Variants in KDM5C observed in about 807,000 individuals in gnomAD.
KDM5C encodes the protein lysine-specific demethylase 5C.
Under a neutral mutation model 110.6 loss-of-function variants are expected in KDM5C, and 16 were observed. The observed-to-expected ratio is 0.14, with a 90% confidence interval of 0.10 to 0.22. KDM5C has a LOEUF of 0.22. Among genes scored for constraint, KDM5C ranks in the 10% least tolerant of loss-of-function variants. The probability of loss-of-function intolerance (pLI) is 1.00; values close to 1 mark genes in which losing one functional copy is unlikely to be tolerated. For synonymous variants in KDM5C, 511 were observed against 520.4 expected, an observed-to-expected ratio of 0.98 and a Z score of 0.24; for missense variants, 681 against 1,300.9, an observed-to-expected ratio of 0.52 and a Z score of 7.33.
chrX:53,195,396 G>A lies in KDM5C; in HGVS notation c.3135C>T (p.Tyr1045=), dbSNP rs1556835998. ...DVDEIQNGDH[Y]PCLDDLEGLV... Reference sequence around the variant, plus strand: ...GGCCCTCCAAGTCATCCAGGCAGGGGTAGTGGTCACCATTCTAAGGCCAAG... The same window carrying A: ...GGCCCTCCAAGTCATCCAGGCAGGGATAGTGGTCACCATTCTAAGGCCAAG... The change falls in exon 21 of 26, where the codon TAC becomes TAT. Residue 1045 remains tyrosine, a synonymous_variant. Coordinates refer to ENST00000375401, the MANE Select transcript of KDM5C (RefSeq NM_004187.5). 42 of 1,206,218 alleles carry A rather than the reference G, an allele frequency of 3.5e-5. No individual in the cohort carries two copies. The highest frequency in any genetic ancestry group is 4.6e-5 in the Non-Finnish European group (41 of 892,595).
intron 5 of KDM5C, among the ~76,000 whole-genome samples, chrX:53,216,922 A>G (rs781936980): frequency 5.3e-5 from 6 of 112,648 alleles, no homozygotes; most frequent in Non-Finnish European, 1.1e-4. Flanking sequence ...AAGAGCAGAC[A>G]TACAAAAGAG....
chrX:53,182,194 C>T (rs1354406885), intron 25 of KDM5C, among the ~76,000 whole-genome samples: 4 of 110,333 alleles, frequency 3.6e-5, no homozygotes, highest in East Asian at 2.8e-4. Flanking sequence ...AAGTGATTCT[C>T]CTGCCTCAGC....
At position 53,195,324 on chromosome X, in the gene KDM5C, T is replaced by C. The variant is rs1288344996; in HGVS notation, c.3207A>G (p.Arg1069=). The C allele has an allele frequency of 1.1e-5, 13 of 1,203,435 alleles. No individual in the cohort carries two copies. Among genetic ancestry groups the C allele is most frequent in the Non-Finnish European group, 1.3e-5 (12 of 891,315 alleles). The change falls in exon 21 of 26, where the codon AGA becomes AGG. Residue 1069 remains arginine, a synonymous_variant. Coordinates refer to ENST00000375401, the MANE Select transcript of KDM5C (RefSeq NM_004187.5). The stretch of plus-strand genomic sequence containing the variant: ...CTGTCAGTACCTGTAGCTCTAGCTG[T>C]CTCAGCTCCTCCAGCCCCACAGGTA... ...RDLPVGLEEL[R]QLELQVLTAH... is the part of the protein sequence containing the mutation.
chrX:53,184,134 TCTTAA>T (rs782776182), intron 25 of KDM5C, among the ~76,000 whole-genome samples: 22 of 112,897 alleles, frequency 1.9e-4, no homozygotes, highest in African/African-American at 7.1e-4. Flanking sequence ...TGAATTGTTT[TCTTAA>T]CTTCATTTTG....
At chrX:53,209,261 T>C (rs2073484236) in intron 12 of KDM5C, among the ~76,000 whole-genome samples, 1 of 111,126 alleles carries the variant, frequency 9.0e-6, no homozygotes, top group Admixed American at 9.6e-5. Flanking sequence ...ATCATCATCC[T>C]TAAATGGGGT....
intron 2 of KDM5C, among the ~76,000 whole-genome samples, chrX:53,220,348 T>C (rs2073862450): frequency 8.9e-6 from 1 of 111,909 alleles, no homozygotes; most frequent in Non-Finnish European, 1.9e-5. Context: ...TCTCTAACCA[T>C]TCCAGCCTCC....
In KDM5C at chrX:53,192,844, G is replaced by T; in HGVS notation, c.*123C>A. 1 of 993,723 alleles carries T rather than the reference G, an allele frequency of 1.0e-6. No homozygotes were observed. The highest frequency in any genetic ancestry group is 1.3e-6 in the Non-Finnish European group (1 of 744,290). The allele number at this position is 993,723 out of a possible 1,213,427, so 81.9% of individuals were successfully genotyped here. A position where few individuals can be genotyped will look rare whatever the true frequency, so the allele number is the denominator to read the frequency against. ...AAAGTCAAGGGACTCAGGGGTGGGC[G>T]GGTAGCAGGGATGGCCACCCCCCTA... On this transcript the variant is annotated 3_prime_UTR_variant, in exon 26 of 26. Transcript: ENST00000375401.
intron 17 of KDM5C, 116 bp from the exon 18 acceptor site, chrX:53,197,992 C>G: frequency 1.7e-6 from 1 of 596,014 alleles, no homozygotes. Context: ...TCGCATATTT[C>G]AAATTTGCCC....
At chrX:53,184,699 T>A (rs909886311) in intron 25 of KDM5C, among the ~76,000 whole-genome samples, 2 of 112,397 alleles carry the variant, frequency 1.8e-5, no homozygotes, top group Non-Finnish European at 3.8e-5. Flanking sequence ...ACTTTTAATA[T>A]GCTGTTGGAT....
At chrX:53,216,005 C>G (rs1482862232) in intron 6 of KDM5C, 29 bp from the exon 7 acceptor site, 1 of 1,210,418 alleles carries the variant, frequency 8.3e-7, no homozygotes, top group African/African-American at 1.7e-5. Flanking sequence ...GCTGTAAACA[C>G]AGGTCTAGGA....
chrX:53,192,303 T>C lies in KDM5C; in HGVS notation c.*664A>G, dbSNP rs1316164737. 1 of 174,720 alleles carries C rather than the reference T, an allele frequency of 5.7e-6. No homozygotes were observed. The highest frequency in any genetic ancestry group is 3.0e-5 in the African/African-American group (1 of 33,609). 14.4% of individuals were successfully genotyped at this position (174,720 alleles called of 1,213,427 possible). On this transcript the variant is annotated 3_prime_UTR_variant, in exon 26 of 26. Transcript: ENST00000375401. ...ATTAATTACACACCAACAATCTTCT[T>C]TTATTACAACATGAACCCAGGAGGA...
chrX:53,214,814 C>A lies in KDM5C; in HGVS notation c.997G>T (p.Gly333Trp). The A allele has an allele frequency of 1.7e-6, 2 of 1,211,922 alleles. No individual in the cohort carries two copies. The highest frequency in any genetic ancestry group is 2.2e-6 in the Non-Finnish European group (2 of 895,553). ...AGCAGGAGCTTGTCATCCTCATCCC[C>A]TCGAGAACACATCCGGCAGACATAT... The part of the protein sequence containing the change: ...ESYVCRMCSR[G>W]DEDDKLLLCD... The change falls in exon 8 of 26, where the codon GGG becomes TGG. Residue 333 changes from glycine (G) to tryptophan (W), a missense_variant. By Grantham distance (184) the Gly-to-Trp change is radical. Transcript: ENST00000375401.
intron 22 of KDM5C, 65 bp from the exon 23 acceptor site, chrX:53,194,803 C>T: frequency 5.0e-6 from 6 of 1,195,775 alleles, no homozygotes; most frequent in Middle Eastern, 2.7e-4. Context: ...CTGGGCCCCC[C>T]CTTAACACCC....
chrX:53,213,356 T>C (rs1556849981), intron 8 of KDM5C, among the ~76,000 whole-genome samples: 1 of 112,067 alleles, frequency 8.9e-6, no homozygotes, highest in African/African-American at 3.2e-5. Flanking sequence ...TCCTCATCTG[T>C]GTATGTCTGT....
chrX:53,207,642 C>T (rs1569270941), intron 12 of KDM5C, among the ~76,000 whole-genome samples: 1 of 111,913 alleles, frequency 8.9e-6, no homozygotes, highest in African/African-American at 3.3e-5. Context: ...GGAAAGAGGA[C>T]ATGTTTATTT....
At chrX:53,224,334 C>T (rs187796219) in intron 1 of KDM5C, among the ~76,000 whole-genome samples, 8 of 112,119 alleles carry the variant, frequency 7.1e-5, no homozygotes, top group Non-Finnish European at 1.3e-4. Flanking sequence ...GGACTGCGAT[C>T]TTTCTATTAA....
At chrX:53,181,675 C>CAAAAAA (rs60649092) in intron 25 of KDM5C, among the ~76,000 whole-genome samples, 237 of 52,518 alleles carry the variant, frequency 4.5e-3, no homozygotes, top group African/African-American at 4.9e-3. Flanking sequence ...GACCATGTCT[C>CAAAAAA]AAAAAAAAAA....
downstream of KDM5C, among the ~76,000 whole-genome samples, chrX:53,190,951 T>C (rs782335951): frequency 2.7e-5 from 3 of 111,760 alleles, no homozygotes; most frequent in African/African-American, 9.7e-5. Flanking sequence ...CGGAAAGCCC[T>C]TGAGGCAGGC....
At chrX:53,196,563 A>C in intron 19 of KDM5C, 123 bp downstream of exon 19, 1 of 562,232 alleles carries the variant, frequency 1.8e-6, no homozygotes, top group Non-Finnish European at 3.0e-6. Context: ...AAAAGAGGGG[A>C]GAGTCAATAC....
Sources: gnomAD v4.1 joint callset for allele counts (sites outside exome capture counted in the v4.1 genomes callset) on GRCh38, gnomAD v4.1.1 for gene constraint, MANE v1.5 for transcripts, NCBI Gene and HGNC (gene_info 2026-07-23, HGNC 2026-07-21) for gene names.